The following CCDC69 variants were observed in gnomAD, a reference collection of about 807,000 sequenced individuals.
CCDC69 encodes the protein coiled-coil domain-containing protein 69.
In CCDC69, 38 loss-of-function variants were observed where a neutral mutation model predicts 40.3. The ratio of observed to expected loss-of-function variants is 0.94; its 90% confidence interval spans 0.73 to 1.24. CCDC69 has a LOEUF of 1.24. CCDC69 is among the 50% of genes most tolerant of loss of function. The pLI is 0.00. For missense variants in CCDC69, 389 were observed against 357.9 expected (o/e 1.09, Z -0.70); for synonymous variants, 141 against 138.9 (o/e 1.02, Z -0.11).
chr5:151,219,377 C>A (rs1200509996), intron 1 of CCDC69, among the ~76,000 whole-genome samples: 1 of 151,994 alleles, frequency 6.6e-6, no homozygotes, highest in Non-Finnish European at 1.5e-5. Flanking sequence ...CTTCCTTGAC[C>A]CCCCCGAGTC....
chr5:151,207,162 C>G (rs1023262670), intron 1 of CCDC69, among the ~76,000 whole-genome samples: 7 of 152,138 alleles, frequency 4.6e-5, no homozygotes, highest in Non-Finnish European at 1.0e-4. Flanking sequence ...AAGTGATCTG[C>G]CCACCTTGGC....
chr5:151,188,662 T>C (rs1258595119), intron 4 of CCDC69, among the ~76,000 whole-genome samples: 1 of 151,338 alleles, frequency 6.6e-6, no homozygotes, highest in Non-Finnish European at 1.5e-5. Context: ...TAGTAAAAAA[T>C]TTATAAGAAT....
chr5:151,205,385 G>C lies in CCDC69; in HGVS notation c.124+15C>G. 6.2e-7 allele frequency: 1 copy of C among 1,608,792 alleles called. No individual in the cohort carries two copies. Among genetic ancestry groups the C allele is most frequent in the Admixed American group, 1.7e-5 (1 of 59,946 alleles). On this transcript the variant is annotated intron_variant, in intron 2 of 8. Transcript: ENST00000355417. The stretch of plus-strand genomic sequence containing the variant: ...ACAGATGGCAGTTGGGGCCTTTGTG[G>C]GGCTGGCTACTCACCTGTGTCCCCA...
intron 5 of CCDC69, among the ~76,000 whole-genome samples, chr5:151,186,490 G>C (rs1269704740): frequency 6.6e-6 from 1 of 151,800 alleles, no homozygotes; most frequent in African/African-American, 2.4e-5. Flanking sequence ...GAGATGAAAG[G>C]AACATACCAA....
chr5:151,219,953 G>T (rs554480906), intron 1 of CCDC69, among the ~76,000 whole-genome samples: 1 of 151,914 alleles, frequency 6.6e-6, no homozygotes, highest in Non-Finnish European at 1.5e-5. Flanking sequence ...TATTCCTCAT[G>T]AGTAGAAATC....
intron 1 of CCDC69, among the ~76,000 whole-genome samples, chr5:151,209,319 C>A (rs771668185): frequency 6.6e-6 from 1 of 152,216 alleles, no homozygotes; most frequent in Non-Finnish European, 1.5e-5. Flanking sequence ...CTTTGGCAGA[C>A]CTCTTGGGCT....
chr5:151,219,476 G>A lies in CCDC69; in HGVS notation c.48+4447C>T, dbSNP rs190638137. ...GAGTGCAGACTGCAAAGAACCACGC[G>A]TCCAAACCGGTTAAATAAGCCACGG... On this transcript the variant is annotated intron_variant, in intron 1 of 8. Coordinates refer to ENST00000355417, the MANE Select transcript of CCDC69 (RefSeq NM_015621.3). Among the ~76,000 whole-genome samples, 38 of 152,160 alleles carry A rather than the reference G, an allele frequency of 2.5e-4. No individual in the cohort carries two copies. The East Asian group carries it at 6.8e-3, about 27-fold the overall frequency.
chr5:151,213,863 G>A (rs773229590), intron 1 of CCDC69, among the ~76,000 whole-genome samples: 7 of 152,168 alleles, frequency 4.6e-5, no homozygotes, highest in South Asian at 2.1e-4. Context: ...CAGCTCCTCC[G>A]TGTCCCATAC....
chr5:151,201,355 C>G (rs1046781072), intron 3 of CCDC69, among the ~76,000 whole-genome samples: 6 of 152,212 alleles, frequency 3.9e-5, no homozygotes, highest in Non-Finnish European at 7.3e-5. Context: ...CAAATAGACT[C>G]TCAGCTTCGT....
At chr5:151,185,305 TG>T (rs1396466558) in intron 7 of CCDC69, 116 bp downstream of exon 7, 1 of 1,187,474 alleles carries the variant, frequency 8.4e-7, no homozygotes, top group African/African-American at 1.5e-5. Context: ...AGGTCAAAGC[TG>T]GAGTGAACTA....
intron 1 of CCDC69, among the ~76,000 whole-genome samples, chr5:151,222,114 C>A (rs898731457): frequency 6.6e-6 from 1 of 152,218 alleles, no homozygotes; most frequent in Non-Finnish European, 1.5e-5. Flanking sequence ...ACAAAGAACA[C>A]GGAGCTAGGG....
intron 2 of CCDC69, 62 bp downstream of exon 2, chr5:151,205,338 T>C (rs1752838046): frequency 2.4e-6 from 3 of 1,247,450 alleles, no homozygotes; most frequent in Non-Finnish European, 3.5e-6. Context: ...ATCATCTGTG[T>C]TGATTATAAG....
intron 4 of CCDC69, among the ~76,000 whole-genome samples, chr5:151,188,833 T>G (rs1752564562): frequency 2.0e-5 from 3 of 152,334 alleles, no homozygotes; most frequent in African/African-American, 4.8e-5. Context: ...CAGTTTTTCC[T>G]ACTGAATGTA....
In CCDC69 at chr5:151,183,216, C is replaced by T; in HGVS notation, c.*221G>A. 1.5e-6 allele frequency: 1 copy of T among 688,086 alleles called. No homozygotes were observed. The highest frequency in any genetic ancestry group is 1.5e-5 in the South Asian group (1 of 66,628). 42.6% of individuals were successfully genotyped at this position (688,086 alleles called of 1,614,324 possible). ...TGTCTCCTCTTGCTTATTCCCTTGG[C>T]CAACTCAAGGGAAGACGCTTCTCGG... is the stretch of plus-strand genomic sequence containing the variant. On this transcript the variant is annotated 3_prime_UTR_variant, in exon 9 of 9. Coordinates refer to ENST00000355417, the MANE Select transcript of CCDC69 (RefSeq NM_015621.3).
In CCDC69 at chr5:151,199,065, AG is replaced by A. The variant is rs768797719; in HGVS notation, c.250del (p.Leu84Ter). The part of the protein sequence containing the change: ...WAQQVEKERE[L>X]ELRDRLDEQQ... ...CTCATCCAGTCTGTCTCGAAGCTCT[AG>A]CTCCCTTTCCTTCTCCACCTGGGGG... is the stretch of plus-strand genomic sequence containing the variant. On this transcript the variant is annotated frameshift_variant, in exon 4 of 9. Coordinates refer to ENST00000355417, the MANE Select transcript of CCDC69 (RefSeq NM_015621.3). LOFTEE classifies it high-confidence loss of function. 1.2e-6 allele frequency: 2 copies of A among 1,613,948 alleles called. No homozygotes were observed. Among genetic ancestry groups the A allele is most frequent in the Non-Finnish European group, 1.7e-6 (2 of 1,179,936 alleles).
chr5:151,196,123 G>A (rs888468703), intron 4 of CCDC69, among the ~76,000 whole-genome samples: 5 of 152,112 alleles, frequency 3.3e-5, no homozygotes, highest in African/African-American at 7.2e-5. Flanking sequence ...ACACTTTTAC[G>A]TACAAAATAA....
Position 151,184,352 on chromosome 5 carries a change from G to C in CCDC69, c.705C>G (p.Val235=), listed in dbSNP as rs1435655088. 6 of 1,613,528 alleles carry C rather than the reference G, an allele frequency of 3.7e-6. No homozygotes were observed. The highest frequency in any genetic ancestry group is 5.1e-6 in the Non-Finnish European group (6 of 1,179,636). Residue 235 remains valine, a synonymous_variant, in exon 8 of 9, where the codon GTC becomes GTG. Transcript: ENST00000355417. ...GGCAGGAAGACAGCTACCTTGACAG[G>C]ACCACCTGGTTGCGGCTTCGGACAT... is the stretch of plus-strand genomic sequence containing the variant. ...DLHVRSRNQV[V]LSRQLSEDLL... is the part of the protein sequence containing the mutation.
At chr5:151,222,376 C>T (rs2114008020) in intron 1 of CCDC69, among the ~76,000 whole-genome samples, 1 of 152,382 alleles carries the variant, frequency 6.6e-6, no homozygotes, top group Non-Finnish European at 1.5e-5. Context: ...CTTACTGTGA[C>T]CTCCTCTTCC....
At chr5:151,217,474 A>G (rs1459751339) in intron 1 of CCDC69, among the ~76,000 whole-genome samples, 1 of 152,230 alleles carries the variant, frequency 6.6e-6, no homozygotes, top group Non-Finnish European at 1.5e-5. Context: ...AAGCTGCTGT[A>G]ACAAATTACC....
Sources: gnomAD v4.1 joint callset for allele counts (sites outside exome capture counted in the v4.1 genomes callset) on GRCh38, gnomAD v4.1.1 for gene constraint, MANE v1.5 for transcripts, NCBI Gene and HGNC (gene_info 2026-07-23, HGNC 2026-07-21) for gene names.